Variants in ZC3H3 observed in about 807,000 individuals in gnomAD.
ZC3H3 encodes the protein zinc finger CCCH-type containing 3.
A neutral mutation model predicts 77.3 loss-of-function variants in ZC3H3; 36 were observed. The ratio of observed to expected loss-of-function variants is 0.47; its 90% confidence interval spans 0.36 to 0.61. ZC3H3 has a LOEUF of 0.61. ZC3H3 is among the 20% of genes least tolerant of loss of function. The pLI, the probability that ZC3H3 is intolerant of heterozygous loss-of-function variation, is 0.00. For synonymous variants in ZC3H3, 626 were observed against 555.2 expected, an observed-to-expected ratio of 1.13 and a Z score of -1.79; for missense variants, 1,331 against 1,312.2, an observed-to-expected ratio of 1.01 and a Z score of -0.22.
In ZC3H3 at chr8:143,460,850, G is replaced by A. The variant is rs532052349; in HGVS notation, c.2307+4867C>T. Among the ~76,000 whole-genome samples the A allele has an allele frequency of 2.0e-5, 3 of 152,304 alleles. No individual in the cohort carries two copies. The highest frequency in any genetic ancestry group is 7.2e-5 in the African/African-American group (3 of 41,548). ...AGACCCTGGAAACATTACGCTGCGT[G>A]AAAGACGCCAGACACCAAAGGACAG... On this transcript the variant is annotated intron_variant, in intron 9 of 11. Transcript: ENST00000262577. This position sits in a 1 kb window ranked among gnomAD's most constrained non-coding sequence, Gnocchi z 4.0.
At chr8:143,455,422 G>T (rs1037500067) in intron 9 of ZC3H3, among the ~76,000 whole-genome samples, 1 of 151,990 alleles carries the variant, frequency 6.6e-6, no homozygotes, top group African/African-American at 2.4e-5. Flanking sequence ...CTTGAACCCG[G>T]AAGGCAGAGG....
intron 4 of ZC3H3, among the ~76,000 whole-genome samples, chr8:143,476,890 T>A (rs1244701388): frequency 6.6e-6 from 1 of 152,214 alleles, no homozygotes; most frequent in Non-Finnish European, 1.5e-5. Context: ...GAGACCCTTT[T>A]CCAGCTGGTC....
chr8:143,506,045 G>A (rs540947879), intron 4 of ZC3H3, among the ~76,000 whole-genome samples: 20 of 152,340 alleles, frequency 1.3e-4, no homozygotes, highest in Admixed American at 9.1e-4. Flanking sequence ...GCGCTGGGCC[G>A]GCTGCCACCT....
At position 143,468,416 on chromosome 8, in the gene ZC3H3, T is replaced by G; in HGVS notation, c.2071A>C (p.Ile691Leu). The change falls in exon 7 of 12, where the codon ATC becomes CTC. Residue 691 changes from isoleucine (I) to leucine (L), a missense_variant. Coordinates refer to ENST00000262577, the MANE Select transcript of ZC3H3 (RefSeq NM_015117.3). Reference sequence around the variant, plus strand: ...ACGGCCACCTTCTCGGGATCGTGGATGTAGGGGCAGCGCTCGCCACGGTTG... The same window carrying G: ...ACGGCCACCTTCTCGGGATCGTGGAGGTAGGGGCAGCGCTCGCCACGGTTG... ...RCNRGERCPY[I>L]HDPEKVAVCT... The G allele has an allele frequency of 6.2e-7, 1 of 1,612,428 alleles. No individual in the cohort carries two copies. Among genetic ancestry groups the G allele is most frequent in the South Asian group, 1.1e-5 (1 of 90,922 alleles).
chr8:143,526,825 T>C (rs1822427284), intron 3 of ZC3H3, among the ~76,000 whole-genome samples: 1 of 151,828 alleles, frequency 6.6e-6, no homozygotes, highest in Non-Finnish European at 1.5e-5. Flanking sequence ...CCACACCCAC[T>C]CCCCAGTCCC....
At chr8:143,463,010 T>G (rs1586887779) in intron 9 of ZC3H3, among the ~76,000 whole-genome samples, 1 of 136,988 alleles carries the variant, frequency 7.3e-6, no homozygotes, top group African/African-American at 2.8e-5. Context: ...TGAGACAGAG[T>G]CTCACTCTTG....
intron 4 of ZC3H3, among the ~76,000 whole-genome samples, chr8:143,486,205 G>C (rs12542047): frequency 6.6e-6 from 1 of 152,228 alleles, no homozygotes; most frequent in Non-Finnish European, 1.5e-5. Context: ...CCACACGGCA[G>C]GGAAAAAGAA....
chr8:143,456,855 G>A (rs760975337), intron 9 of ZC3H3, among the ~76,000 whole-genome samples: 4 of 152,102 alleles, frequency 2.6e-5, no homozygotes, highest in Admixed American at 2.0e-4. Context: ...GCAACAAAGC[G>A]AGACCCAGTC....
rs1586868495 is a variant in ZC3H3 at position 143,441,187 on chromosome 8, G to A, written c.2308-67C>T. 6 of 1,342,418 alleles carry A rather than the reference G, an allele frequency of 4.5e-6. No individual in the cohort carries two copies. In the East Asian group the frequency reaches 1.6e-4, roughly 35 times the overall value. 83.2% of individuals were successfully genotyped at this position (1,342,418 alleles called of 1,614,324 possible). A position where few individuals can be genotyped will look rare whatever the true frequency, so the allele number is the denominator to read the frequency against. On this transcript the variant is annotated intron_variant, in intron 9 of 11. Transcript: ENST00000262577. ...CTGTGGCGCTGCACGGGGAAGGCAA[G>A]GAGAGCCAGGCCAGGCCCCCCGAGT...
intron 4 of ZC3H3, among the ~76,000 whole-genome samples, chr8:143,495,324 T>C (rs364470): frequency 0.028 from 4,262 of 152,258 alleles, 179 homozygotes; most frequent in African/African-American, 0.096. Context: ...TCTGACTCCA[T>C]TGACAGAAGC....
At position 143,462,188 on chromosome 8, in the gene ZC3H3, G is replaced by A. The variant is rs558860498; in HGVS notation, c.2307+3529C>T. On this transcript the variant is annotated intron_variant, in intron 9 of 11. Transcript: ENST00000262577. This position sits in a 1 kb window ranked among gnomAD's most constrained non-coding sequence, Gnocchi z 4.7. ...GCCCACTGTGGCCCCCTGAAGAGTC[G>A]CCACGACCCTCTGAGATAGGCAGTG... Among the ~76,000 whole-genome samples the A allele has an allele frequency of 1.6e-4, 24 of 152,184 alleles. No homozygotes were observed. In the South Asian group the frequency reaches 4.3e-3, roughly 28 times the overall value.
chr8:143,466,308 C>T (rs1005120476), intron 8 of ZC3H3, among the ~76,000 whole-genome samples: 4 of 152,192 alleles, frequency 2.6e-5, no homozygotes, highest in Non-Finnish European at 4.4e-5. Context: ...CTCCAGGCAC[C>T]TGACCCGTGG....
At chr8:143,516,443 C>T (rs1245694257) in intron 3 of ZC3H3, among the ~76,000 whole-genome samples, 1 of 152,032 alleles carries the variant, frequency 6.6e-6, no homozygotes, top group East Asian at 1.9e-4. Context: ...TCGCTGCCCC[C>T]ATTAGGCCCT....
intron 3 of ZC3H3, among the ~76,000 whole-genome samples, chr8:143,524,351 C>T (rs1014629388): frequency 2.0e-5 from 3 of 152,240 alleles, no homozygotes; most frequent in African/African-American, 7.2e-5. Context: ...GCTAAGGTTC[C>T]CAGGGCCCTG....
intron 3 of ZC3H3, among the ~76,000 whole-genome samples, chr8:143,532,791 C>A (rs866415230): frequency 1.3e-5 from 2 of 152,226 alleles, no homozygotes; most frequent in Non-Finnish European, 2.9e-5. Flanking sequence ...GGGGGAGCCA[C>A]TCAACAGCTT....
chr8:143,442,276 G>A (rs1819761690), intron 9 of ZC3H3, among the ~76,000 whole-genome samples: 1 of 152,052 alleles, frequency 6.6e-6, no homozygotes, highest in African/African-American at 2.4e-5. Flanking sequence ...TCATTCCTGC[G>A]ACACGGAGTC....
At chr8:143,498,618 G>A (rs1374780864) in intron 4 of ZC3H3, among the ~76,000 whole-genome samples, 3 of 151,952 alleles carry the variant, frequency 2.0e-5, no homozygotes, top group Non-Finnish European at 1.5e-5. Context: ...GGGTCACCCC[G>A]TGTTCTGCCC....
chr8:143,485,085 G>C (rs1196952573), intron 4 of ZC3H3: 1 of 275,088 alleles, frequency 3.6e-6, no homozygotes, highest in Non-Finnish European at 7.3e-6. Context: ...ATACAAAGAA[G>C]AGAAGCCAGA....
intron 3 of ZC3H3, among the ~76,000 whole-genome samples, chr8:143,514,881 C>T (rs1234272995): frequency 6.6e-6 from 1 of 152,036 alleles, no homozygotes; most frequent in Non-Finnish European, 1.5e-5. Context: ...TTCTCTCTGC[C>T]CTCCTCAGTC....
Sources: allele counts gnomAD v4.1 joint callset (sites outside exome capture counted in the v4.1 genomes callset), GRCh38; gene constraint gnomAD v4.1.1; non-coding constraint Gnocchi (gnomAD v3.1); transcripts MANE v1.5; gene names NCBI Gene and HGNC (gene_info 2026-07-23, HGNC 2026-07-21).